The following EHMT1 variants were observed in gnomAD, a reference collection of about 807,000 sequenced individuals.
EHMT1 encodes histone-lysine N-methyltransferase EHMT1.
A neutral mutation model predicts 147.2 loss-of-function variants in EHMT1; 15 were observed. The observed-to-expected ratio is 0.10, with a 90% CI of 0.07 to 0.16. The LOEUF is 0.16. Ranked by LOEUF, EHMT1 falls within the 10% of genes least tolerant of loss-of-function variation. The pLI, the probability that EHMT1 is intolerant of heterozygous loss-of-function variation, is 1.00. For synonymous variants in EHMT1, 795 were observed against 709.6 expected (o/e 1.12, Z -1.91); for missense variants, 1,587 against 1,772.4 (o/e 0.90, Z 1.88).
At chr9:137,709,564 GC>G (rs1265269341) in intron 1 of EHMT1, among the ~76,000 whole-genome samples, 2 of 152,234 alleles carry the variant, frequency 1.3e-5, no homozygotes, top group African/African-American at 2.4e-5. Flanking sequence ...TCAGGTAGGG[GC>G]TGGCCTGGCG....
intron 1 of EHMT1, among the ~76,000 whole-genome samples, chr9:137,661,990 C>T (rs570082701): frequency 4.0e-4 from 61 of 151,942 alleles, no homozygotes; most frequent in Admixed American, 1.7e-3. Context: ...TTAGTAGAGA[C>T]GAGGTTTCAC....
intron 1 of EHMT1, among the ~76,000 whole-genome samples, chr9:137,657,795 C>G (rs527238276): frequency 6.6e-6 from 1 of 151,900 alleles, no homozygotes; most frequent in Non-Finnish European, 1.5e-5. Context: ...CATTTCTACC[C>G]CCACTCCCCA....
In EHMT1 at chr9:137,790,907, C is replaced by G. The variant is rs772286870; in HGVS notation, c.2442C>G (p.Ala814=). 23 of 1,614,116 alleles carry G rather than the reference C, an allele frequency of 1.4e-5. No homozygotes were observed. Among genetic ancestry groups the G allele is most frequent in the South Asian group, 2.2e-5 (2 of 91,070 alleles). The part of the protein sequence containing the change: ...EDQRTPLMEA[A]ENNHLEAVKY... ...AGAGGACCCCGTTGATGGAAGCAGC[C>G]GAAAACAACCATCTGGAAGCAGTGA... Residue 814 remains alanine, a synonymous_variant, in exon 16 of 27, where the codon GCC becomes GCG. Coordinates refer to ENST00000460843, the MANE Select transcript of EHMT1 (RefSeq NM_024757.5).
intron 18 of EHMT1, among the ~76,000 whole-genome samples, chr9:137,807,571 A>C (rs879594478): frequency 6.6e-6 from 1 of 152,034 alleles, no homozygotes; most frequent in East Asian, 1.9e-4. Context: ...GCAGTGGTGC[A>C]ATCTTGGCCC....
chr9:137,762,775 A>G lies in EHMT1; in HGVS notation c.1602A>G (p.Thr534=), dbSNP rs1465798782. 3 of 1,614,252 alleles carry G rather than the reference A, an allele frequency of 1.9e-6. No individual in the cohort carries two copies. Among genetic ancestry groups the G allele is most frequent in the African/African-American group, 1.3e-5 (1 of 75,068 alleles). ...METPKSREIT[T]LANNQCMATE... ...CACCGAAGAGTCGAGAGATCACCAC[A>G]CTGGCCAACAACCAGTGCATGGCTA... The change falls in exon 10 of 27, where the codon ACA becomes ACG. Residue 534 remains threonine, a synonymous_variant. Transcript: ENST00000460843.
intron 15 of EHMT1, chr9:137,788,250 G>A (rs1197748410): frequency 2.2e-6 from 1 of 455,310 alleles, no homozygotes; most frequent in Non-Finnish European, 3.9e-6. Context: ...CCCTAGCAGG[G>A]ACTGCATGCT....
chr9:137,751,780 C>T (rs941625655), intron 6 of EHMT1, among the ~76,000 whole-genome samples: 2 of 152,182 alleles, frequency 1.3e-5, no homozygotes, highest in African/African-American at 2.4e-5. Flanking sequence ...TAGAAATGCA[C>T]TGTCGTCTGT....
chr9:137,715,711 G>A (rs1298060314), intron 2 of EHMT1: 10 of 985,290 alleles, frequency 1.0e-5, no homozygotes, highest in Middle Eastern at 5.2e-4. Flanking sequence ...GGTTGTCATC[G>A]GAGAGTGAGC....
intron 3 of EHMT1, among the ~76,000 whole-genome samples, chr9:137,726,589 C>A (rs147474820): frequency 0.037 from 5,558 of 152,184 alleles, 149 homozygotes; most frequent in Middle Eastern, 0.071. Flanking sequence ...CGTGGGTGTA[C>A]AAGCATCTCT....
chr9:137,817,870 G>A (rs1320022555), intron 24 of EHMT1, 190 bp from the exon 25 acceptor site: 14 of 655,894 alleles, frequency 2.1e-5, no homozygotes, highest in African/African-American at 3.6e-5. Flanking sequence ...TTTCGGTATC[G>A]TTATCATCAT....
intron 6 of EHMT1, chr9:137,746,540 T>A (rs1324825476): frequency 1.3e-5 from 2 of 152,270 alleles, no homozygotes; most frequent in Non-Finnish European, 2.9e-5. Context: ...TTGAATGAAT[T>A]GATGTATGCT....
chr9:137,727,587 A>G (rs1946749040), intron 3 of EHMT1, among the ~76,000 whole-genome samples: 1 of 152,162 alleles, frequency 6.6e-6, no homozygotes, highest in Admixed American at 6.5e-5. Flanking sequence ...TTTACTGTGT[A>G]TTTTACTGTG....
At chr9:137,808,443 T>TG (rs1260035976) in intron 18 of EHMT1, among the ~76,000 whole-genome samples, 10 of 152,154 alleles carry the variant, frequency 6.6e-5, no homozygotes, top group Non-Finnish European at 1.3e-4. Context: ...TTGACAACCA[T>TG]GGTCATAGGT....
At chr9:137,694,463 A>G (rs1262710838) in intron 1 of EHMT1, among the ~76,000 whole-genome samples, 1 of 152,058 alleles carries the variant, frequency 6.6e-6, no homozygotes, top group African/African-American at 2.4e-5. Flanking sequence ...GGAGGCGCAC[A>G]GCTGAGGCCG....
At chr9:137,816,272 T>A in intron 23 of EHMT1, 1 of 619,416 alleles carries the variant, frequency 1.6e-6, no homozygotes, top group Non-Finnish European at 3.0e-6. Flanking sequence ...CAGCACAGAC[T>A]TCGGCATGAG....
chr9:137,635,775 G>A (rs1358152341), intron 1 of EHMT1, among the ~76,000 whole-genome samples: 1 of 151,298 alleles, frequency 6.6e-6, no homozygotes, highest in African/African-American at 2.4e-5. Flanking sequence ...AGCTGAGATG[G>A]TGCCACTGCT....
At chr9:137,815,777 C>T (rs1384293072) in intron 22 of EHMT1, 170 bp from the exon 23 acceptor site, 1 of 679,620 alleles carries the variant, frequency 1.5e-6, no homozygotes, top group Non-Finnish European at 2.7e-6. Context: ...GCTTCTCATC[C>T]AAACCGTACA....
chr9:137,641,800 A>G (rs555550576), intron 1 of EHMT1, among the ~76,000 whole-genome samples: 1 of 151,370 alleles, frequency 6.6e-6, no homozygotes, highest in South Asian at 2.1e-4. Flanking sequence ...CTTGCTCATC[A>G]GGAAGAAGCT....
rs745888927 is a variant in EHMT1 at position 137,813,336 on chromosome 9, CT to C, written c.3036-49del. 5.0e-6 allele frequency: 8 copies of C among 1,588,450 alleles called. No homozygotes were observed. The highest frequency in any genetic ancestry group is 2.3e-5 in the East Asian group (1 of 43,592). On this transcript the variant is annotated intron_variant, in intron 20 of 26. Coordinates refer to ENST00000460843, the MANE Select transcript of EHMT1 (RefSeq NM_024757.5). The surrounding 1 kb of genome is among the most constrained non-coding windows in gnomAD (Gnocchi z 4.9). ...GCCCCACTGCACGCTGTGCCACCCC[CT>C]GGGCAGAGCACGTCAGCCACCAGGT...
Sources: gnomAD v4.1 joint callset for allele counts (sites outside exome capture counted in the v4.1 genomes callset) on GRCh38, gnomAD v4.1.1 for gene constraint, Gnocchi (gnomAD v3.1) non-coding constraint, MANE v1.5 for transcripts, NCBI Gene and HGNC (gene_info 2026-07-23, HGNC 2026-07-21) for gene names.